DDX4: variants seen among roughly 807,000 people sequenced by gnomAD.
The protein encoded by DDX4 is probable ATP-dependent RNA helicase DDX4.
A neutral mutation model predicts 100.0 loss-of-function variants in DDX4; 25 were observed. The ratio of observed to expected loss-of-function variants is 0.25; its 90% CI spans 0.18 to 0.35. DDX4 has a LOEUF of 0.35. Among genes scored for constraint, DDX4 ranks in the 10% least tolerant of loss-of-function variants. DDX4 has a pLI of 1.00. For missense variants in DDX4, 635 were observed against 882.4 expected (o/e 0.72, Z 3.55); for synonymous variants, 259 against 275.7 (o/e 0.94, Z 0.60).
intron 4 of DDX4, among the ~76,000 whole-genome samples, chr5:55,762,341 T>C (rs1429505963): frequency 6.6e-6 from 1 of 152,188 alleles, no homozygotes; most frequent in Non-Finnish European, 1.5e-5. Context: ...ATTTTTAATT[T>C]AGTGGTAGAG....
At chr5:55,754,431 CAT>C (rs1345337505) in intron 3 of DDX4, among the ~76,000 whole-genome samples, 1 of 127,550 alleles carries the variant, frequency 7.8e-6, no homozygotes, top group Non-Finnish European at 1.7e-5. Flanking sequence ...TTGAGATAAT[CAT>C]GTGGTTTTTG....
intron 3 of DDX4, among the ~76,000 whole-genome samples, chr5:55,755,541 A>G (rs1008552002): frequency 4.6e-5 from 7 of 152,038 alleles, no homozygotes; most frequent in African/African-American, 1.2e-4. Context: ...TTTATTTAGC[A>G]CTTCTGAATT....
intron 3 of DDX4, 93 bp downstream of exon 3, chr5:55,746,314 G>C: frequency 1.8e-6 from 2 of 1,137,780 alleles, no homozygotes; most frequent in Non-Finnish European, 2.5e-6. Flanking sequence ...TCTTGTAGAG[G>C]GTGTTTTAAA....
At chr5:55,805,221 G>T (rs1743615153) in intron 18 of DDX4, among the ~76,000 whole-genome samples, 1 of 152,040 alleles carries the variant, frequency 6.6e-6, no homozygotes, top group Non-Finnish European at 1.5e-5. Flanking sequence ...AGGAGATTTT[G>T]GGCTGAGACG....
chr5:55,776,987 G>C (rs1741604971), intron 7 of DDX4, among the ~76,000 whole-genome samples: 1 of 152,092 alleles, frequency 6.6e-6, no homozygotes, highest in South Asian at 2.1e-4. Flanking sequence ...CAGTTGAAAG[G>C]AAAAATATTT....
chr5:55,781,733 C>T (rs1013452934), intron 9 of DDX4, among the ~76,000 whole-genome samples: 1 of 149,392 alleles, frequency 6.7e-6, no homozygotes, highest in South Asian at 2.1e-4. Flanking sequence ...GCCAAGATCA[C>T]GCCACTGCAC....
At chr5:55,768,109 C>T (rs1741043143) in intron 7 of DDX4, 169 bp downstream of exon 7, 3 of 626,206 alleles carry the variant, frequency 4.8e-6, no homozygotes, top group Non-Finnish European at 8.6e-6. Flanking sequence ...CAGTGGGTGC[C>T]CCTCCTTTCA....
chr5:55,770,977 T>A (rs988141775), intron 7 of DDX4, among the ~76,000 whole-genome samples: 1 of 152,220 alleles, frequency 6.6e-6, no homozygotes, highest in Non-Finnish European at 1.5e-5. Context: ...TTTGCAGCTC[T>A]ATGTGCTTGG....
rs1355837256 is a variant in DDX4 at position 55,813,701 on chromosome 5, A to G, written c.1644A>G (p.Glu548=). The G allele has an allele frequency of 6.3e-7, 1 of 1,597,926 alleles. No homozygotes were observed. Among genetic ancestry groups the G allele is most frequent in the South Asian group, 1.2e-5 (1 of 86,558 alleles). Residue 548 remains glutamate, a synonymous_variant, in exon 19 of 22, where the codon GAA becomes GAG. Coordinates refer to ENST00000505374, the MANE Select transcript of DDX4 (RefSeq NM_024415.3). ...IGDERTMVFV[E]TKKKADFIAT... is the part of the protein sequence containing the mutation. The stretch of plus-strand genomic sequence containing the variant: ...ATGAAAGAACTATGGTCTTTGTTGA[A>G]ACTAAGAAAAAAGCAGATTTTATTG...
chr5:55,751,510 T>TA (rs1293768987), intron 3 of DDX4, among the ~76,000 whole-genome samples: 1 of 152,200 alleles, frequency 6.6e-6, no homozygotes, highest in East Asian at 1.9e-4. Flanking sequence ...GCTGGGATTA[T>TA]AGGCGTGAGC....
At chr5:55,788,067 G>T in intron 15 of DDX4, 67 bp downstream of exon 15, 3 of 1,421,354 alleles carry the variant, frequency 2.1e-6, no homozygotes, top group South Asian at 1.5e-5. Context: ...CCTCACTTTT[G>T]GAAGAACTCA....
At chr5:55,745,833 T>G (rs1057234228) in intron 2 of DDX4, among the ~76,000 whole-genome samples, 1 of 152,246 alleles carries the variant, frequency 6.6e-6, no homozygotes, top group African/African-American at 2.4e-5. Context: ...ATTTAGACTT[T>G]ATAGGCCTTA....
At chr5:55,770,146 A>ATG (rs1741165453) in intron 7 of DDX4, among the ~76,000 whole-genome samples, 1 of 152,188 alleles carries the variant, frequency 6.6e-6, no homozygotes, top group African/African-American at 2.4e-5. Flanking sequence ...GATTACCGGC[A>ATG]TGAGCCACTG....
chr5:55,760,874 A>G (rs971254541), intron 4 of DDX4, among the ~76,000 whole-genome samples: 1 of 152,222 alleles, frequency 6.6e-6, no homozygotes, highest in African/African-American at 2.4e-5. Flanking sequence ...ATAACATATT[A>G]GAACTTCAGG....
intron 4 of DDX4, 48 bp from the exon 5 acceptor site, chr5:55,763,127 A>C (rs1561488281): frequency 1.6e-6 from 2 of 1,217,770 alleles, no homozygotes; most frequent in Non-Finnish European, 2.4e-6. Flanking sequence ...TGATGATGAC[A>C]CACTTAATTT....
At chr5:55,755,859 A>G (rs1436739875) in intron 3 of DDX4, among the ~76,000 whole-genome samples, 2 of 152,194 alleles carry the variant, frequency 1.3e-5, no homozygotes, top group Non-Finnish European at 2.9e-5. Context: ...CAAGAAAAAC[A>G]GCATTATTAA....
chr5:55,760,303 C>T, intron 4 of DDX4, 26 bp downstream of exon 4: 1 of 1,524,150 alleles, frequency 6.6e-7, no homozygotes. Flanking sequence ...TTTCCTTAAT[C>T]TCCTGAACTG....
chr5:55,803,495 T>G (rs1296416313), intron 18 of DDX4, among the ~76,000 whole-genome samples: 1 of 80,414 alleles, frequency 1.2e-5, no homozygotes, highest in South Asian at 5.3e-4. Context: ...CCCACAACAG[T>G]CCCCAGAGTG....
chr5:55,785,155 T>G (rs1742165790), intron 10 of DDX4, 142 bp from the exon 11 acceptor site: 2 of 674,090 alleles, frequency 3.0e-6, no homozygotes, highest in Non-Finnish European at 5.3e-6. Flanking sequence ...ATGTACAAGG[T>G]TCTATTTAAT....
Sources: allele counts gnomAD v4.1 joint callset (sites outside exome capture counted in the v4.1 genomes callset), GRCh38; gene constraint gnomAD v4.1.1; transcripts MANE v1.5; gene names NCBI Gene and HGNC (gene_info 2026-07-23, HGNC 2026-07-21).